The following TP73 variants were observed in gnomAD, a reference collection of about 807,000 sequenced individuals.
TP73 encodes tumor protein p73, also known as p53-like transcription factor.
A neutral mutation model predicts 62.5 loss-of-function variants in TP73; 25 were observed. The observed-to-expected ratio is 0.40, with a 90% CI of 0.29 to 0.56. The LOEUF (loss-of-function observed/expected upper bound fraction) is 0.56, where lower values mean the gene tolerates loss of function less well. Ranked by LOEUF, TP73 falls within the 20% of genes least tolerant of loss-of-function variation. TP73 has a pLI of 0.46. For synonymous variants in TP73, 423 were observed against 377.5 expected (o/e 1.12, Z -1.40); for missense variants, 754 against 913.3 (o/e 0.83, Z 2.25).
At chr1:3,697,435 A>G (rs1445527346) in intron 3 of TP73, among the ~76,000 whole-genome samples, 1 of 151,984 alleles carries the variant, frequency 6.6e-6, no homozygotes, top group East Asian at 1.9e-4. Flanking sequence ...GGCCCACCCA[A>G]TACCTGGGGC....
At chr1:3,675,718 T>C (rs1249237944) in intron 1 of TP73, among the ~76,000 whole-genome samples, 1 of 151,182 alleles carries the variant, frequency 6.6e-6, no homozygotes, top group Admixed American at 6.6e-5. Flanking sequence ...CCATGGGGAG[T>C]GCCTCTTCCA....
At chr1:3,678,984 T>C (rs1645441439) in intron 1 of TP73, among the ~76,000 whole-genome samples, 1 of 152,208 alleles carries the variant, frequency 6.6e-6, no homozygotes, top group African/African-American at 2.4e-5. Context: ...TGGCCTGTCC[T>C]GTGAGCCTGG....
At chr1:3,665,169 G>A (rs531007308) in intron 1 of TP73, among the ~76,000 whole-genome samples, 42 of 152,216 alleles carry the variant, frequency 2.8e-4, no homozygotes, top group Admixed American at 9.2e-4. Context: ...AGAGTCTCCT[G>A]TCATGTTTTC....
chr1:3,692,438 C>A (rs908512005), intron 3 of TP73, among the ~76,000 whole-genome samples: 3 of 152,218 alleles, frequency 2.0e-5, no homozygotes, highest in Non-Finnish European at 4.4e-5. Context: ...TAGCCCAGAG[C>A]GTGGAACGGC....
At chr1:3,653,502 C>T (rs190304156) in intron 1 of TP73, among the ~76,000 whole-genome samples, 1 of 152,360 alleles carries the variant, frequency 6.6e-6, no homozygotes, top group African/African-American at 2.4e-5. Flanking sequence ...GACAGATAGA[C>T]GATCTTCAAC....
chr1:3,690,615 C>T, intron 3 of TP73: 2 of 1,302,694 alleles, frequency 1.5e-6, no homozygotes, highest in Non-Finnish European at 2.0e-6. Flanking sequence ...GAGGCCTGCC[C>T]CGGACTTGGA....
chr1:3,729,973 C>A, intron 10 of TP73, 27 bp from the exon 11 acceptor site: 1 of 1,561,446 alleles, frequency 6.4e-7, no homozygotes, highest in South Asian at 1.2e-5. Context: ...TTGCTTCCCA[C>A]CCATGCGAGC....
chr1:3,659,723 C>T (rs1416855082), intron 1 of TP73, among the ~76,000 whole-genome samples: 1 of 152,118 alleles, frequency 6.6e-6, no homozygotes, highest in Non-Finnish European at 1.5e-5. Context: ...CTCCGTCGCT[C>T]AAGGCTAGAG....
chr1:3,690,120 G>A (rs950203734), intron 3 of TP73, among the ~76,000 whole-genome samples: 5 of 152,180 alleles, frequency 3.3e-5, no homozygotes, highest in Non-Finnish European at 5.9e-5. Flanking sequence ...GCCAGTGCCA[G>A]GGTGGGCTCC....
intron 1 of TP73, chr1:3,659,325 G>A (rs1212542618): frequency 6.6e-6 from 1 of 152,230 alleles, no homozygotes; most frequent in Admixed American, 6.5e-5. Context: ...CGCAGCAACA[G>A]GCGTGAGGGT....
At chr1:3,682,501 C>T (rs562899577) in intron 2 of TP73, 71 bp downstream of exon 2, 103 of 1,352,756 alleles carry the variant, frequency 7.6e-5, no homozygotes, top group African/African-American at 1.6e-4. Context: ...CAGCCACCTT[C>T]GCTGGGCTAA....
In TP73 at chr1:3,682,448, G is replaced by A; in HGVS notation, c.65+18G>A. On this transcript the variant is annotated intron_variant, in intron 2 of 13. Coordinates refer to ENST00000378295, the MANE Select transcript of TP73 (RefSeq NM_005427.4). ...AGCTCTCTGTGAGTGCGCTTGGCTG[G>A]CCAGAGCTGGGGGCCCCCCTGGGAG... 1.3e-6 allele frequency: 2 copies of A among 1,487,012 alleles called. No homozygotes were observed. The highest frequency in any genetic ancestry group is 1.3e-5 in the South Asian group (1 of 78,204). The allele number at this position is 1,487,012 out of a possible 1,614,324, so 92.1% of individuals were successfully genotyped here. A position where few individuals can be genotyped will look rare whatever the true frequency, so the allele number is the denominator to read the frequency against.
At position 3,728,224 on chromosome 1, in the gene TP73, G is replaced by A. The variant is rs929468042; in HGVS notation, c.1074+7G>A. The A allele has an allele frequency of 6.2e-7, 1 of 1,610,782 alleles. No homozygotes were observed. Among genetic ancestry groups the A allele is most frequent in the Admixed American group, 1.7e-5 (1 of 59,988 alleles). Reference sequence around the variant, plus strand: ...GGACACGTACTACCTTCAGGTGAGTGTGTGCTCCTGCACGGCAGCCGGGAG... The same window carrying A: ...GGACACGTACTACCTTCAGGTGAGTATGTGCTCCTGCACGGCAGCCGGGAG... On this transcript the variant is annotated splice_region_variant and intron_variant, in intron 9 of 13. Coordinates refer to ENST00000378295, the MANE Select transcript of TP73 (RefSeq NM_005427.4).
At chr1:3,656,327 A>G (rs960934365) in intron 1 of TP73, among the ~76,000 whole-genome samples, 4 of 152,270 alleles carry the variant, frequency 2.6e-5, no homozygotes, top group Non-Finnish European at 5.9e-5. Flanking sequence ...TTTGCAGGCT[A>G]AACACTCGCT....
chr1:3,726,496 A>C (rs1242676352), intron 6 of TP73, among the ~76,000 whole-genome samples: 5 of 138,576 alleles, frequency 3.6e-5, no homozygotes, highest in Non-Finnish European at 7.7e-5. Context: ...GGGTGGGTGG[A>C]TGGATGGGGT....
Position 3,699,735 on chromosome 1 carries a change from C to G in TP73, c.187-7814C>G, listed in dbSNP as rs1013425768. Among the ~76,000 whole-genome samples, 1 of 152,078 alleles carries G rather than the reference C, an allele frequency of 6.6e-6. No individual in the cohort carries two copies. The highest frequency in any genetic ancestry group is 1.5e-5 in the Non-Finnish European group (1 of 68,012). On this transcript the variant is annotated intron_variant, in intron 3 of 13. Transcript: ENST00000378295. The surrounding 1 kb of genome is among the most constrained non-coding windows in gnomAD (Gnocchi z 4.1). ...ATGCCGGGCGGGGAGCAGGGATGCTCGGGCGGGGGCAGGAGCTGGAGAGGT... is the reference window on the plus strand; with the variant it reads ...ATGCCGGGCGGGGAGCAGGGATGCTGGGGCGGGGGCAGGAGCTGGAGAGGT...
intron 13 of TP73, 53 bp downstream of exon 13, chr1:3,731,609 G>C: frequency 6.5e-7 from 1 of 1,526,942 alleles, no homozygotes; most frequent in South Asian, 1.1e-5. Flanking sequence ...AGGGGCCCCT[G>C]TCCGGAGGGC....
At chr1:3,719,087 C>T (rs1429044049) in intron 4 of TP73, among the ~76,000 whole-genome samples, 1 of 152,152 alleles carries the variant, frequency 6.6e-6, no homozygotes, top group Non-Finnish European at 1.5e-5. Context: ...TCTCCTTTTG[C>T]CGCCCCTGAG....
chr1:3,721,368 G>C (rs1162441427), intron 4 of TP73, among the ~76,000 whole-genome samples: 1 of 152,232 alleles, frequency 6.6e-6, no homozygotes, highest in Non-Finnish European at 1.5e-5. Flanking sequence ...GGGGCCCCCA[G>C]AGTGGCCAAG....
Sources: gnomAD v4.1 joint callset for allele counts (sites outside exome capture counted in the v4.1 genomes callset) on GRCh38, gnomAD v4.1.1 for gene constraint, Gnocchi (gnomAD v3.1) non-coding constraint, MANE v1.5 for transcripts, NCBI Gene and HGNC (gene_info 2026-07-23, HGNC 2026-07-21) for gene names.